UPF2: variants seen among roughly 807,000 people sequenced by gnomAD.
UPF2 encodes the protein regulator of nonsense transcripts 2.
A neutral mutation model predicts 141.4 loss-of-function variants in UPF2; 17 were observed. The ratio of observed to expected loss-of-function variants is 0.12; its 90% CI spans 0.08 to 0.18. The LOEUF (loss-of-function observed/expected upper bound fraction) is 0.18, where lower values mean the gene tolerates loss of function less well. Among genes scored for constraint, UPF2 ranks in the 10% least tolerant of loss-of-function variants. UPF2 has a pLI of 1.00. For missense variants in UPF2, 1,152 were observed against 1,515.9 expected, an observed-to-expected ratio of 0.76 and a Z score of 3.99; for synonymous variants, 540 against 498.0, an observed-to-expected ratio of 1.08 and a Z score of -1.12.
At chr10:11,929,235 A>T (rs1304699887) in intron 21 of UPF2, among the ~76,000 whole-genome samples, 1 of 152,248 alleles carries the variant, frequency 6.6e-6, no homozygotes, top group African/African-American at 2.4e-5. Flanking sequence ...GTAAACATCG[A>T]TATTAATTAA....
chr10:11,944,972 C>T (rs764730219), intron 16 of UPF2, among the ~76,000 whole-genome samples: 13 of 152,210 alleles, frequency 8.5e-5, no homozygotes, highest in Non-Finnish European at 1.6e-4. Flanking sequence ...CCTATCTGTG[C>T]CTTTGTTTCC....
chr10:12,028,604 T>C, intron 3 of UPF2, 141 bp downstream of exon 3: 1 of 827,044 alleles, frequency 1.2e-6, no homozygotes, highest in Non-Finnish European at 1.8e-6. Context: ...CTGTTCTACT[T>C]TGAAATTTTC....
At position 11,936,653 on chromosome 10, in the gene UPF2, G is replaced by C. The variant is rs1023915824; in HGVS notation, c.3438C>G (p.Leu1146=). 6.2e-7 allele frequency: 1 copy of C among 1,613,114 alleles called. No individual in the cohort carries two copies. Among genetic ancestry groups the C allele is most frequent in the Non-Finnish European group, 8.5e-7 (1 of 1,179,652 alleles). ...GGGGCCCTTTCCTCAGCTGGCTTTT[G>C]AGATGCAAAGGAATGGCAACATCTA... ...HQLDVAIPLH[L]KSQLRKGPPL... Residue 1146 remains leucine (L), a synonymous_variant, in exon 19 of 22, where the codon CTC becomes CTG. Coordinates refer to ENST00000357604, the MANE Select transcript of UPF2 (RefSeq NM_015542.4). This position sits in a 1 kb window ranked among gnomAD's most constrained non-coding sequence, Gnocchi z 6.6.
chr10:11,987,642 G>A (rs1234665869), intron 8 of UPF2, among the ~76,000 whole-genome samples: 1 of 151,384 alleles, frequency 6.6e-6, no homozygotes, highest in East Asian at 1.9e-4. Flanking sequence ...CATGCCTGTA[G>A]TCCCAGCTAC....
At chr10:12,012,020 C>G (rs1462523822) in intron 4 of UPF2, among the ~76,000 whole-genome samples, 1 of 150,674 alleles carries the variant, frequency 6.6e-6, no homozygotes, top group Admixed American at 6.6e-5. Context: ...TTCAGTATGA[C>G]AATTAGAGAA....
chr10:12,012,331 G>C (rs1217893444), intron 4 of UPF2, among the ~76,000 whole-genome samples: 1 of 151,908 alleles, frequency 6.6e-6, no homozygotes, highest in African/African-American at 2.4e-5. Context: ...CAAAGTGCTG[G>C]GATTAGAGGC....
At chr10:11,925,171 A>C (rs972323603) in intron 21 of UPF2, among the ~76,000 whole-genome samples, 2 of 152,186 alleles carry the variant, frequency 1.3e-5, no homozygotes, top group Non-Finnish European at 2.9e-5. Flanking sequence ...TAAAGGGTAA[A>C]ATCTCATGTT....
At chr10:11,924,119 T>C (rs1374105610) in intron 21 of UPF2, among the ~76,000 whole-genome samples, 1 of 152,226 alleles carries the variant, frequency 6.6e-6, no homozygotes, top group Non-Finnish European at 1.5e-5. Flanking sequence ...CCCTACATAA[T>C]AGTTTTACTT....
At position 11,998,266 on chromosome 10, in the gene UPF2, T is replaced by G. The variant is rs1176599126; in HGVS notation, c.1759-509A>C. On this transcript the variant is annotated intron_variant, in intron 7 of 21. Transcript: ENST00000357604. The surrounding 1 kb of genome is among the most constrained non-coding windows in gnomAD (Gnocchi z 4.5). ...AGTGCAGGAAATGGCGCTCTCTCTC[T>G]CTCTCCAAGATGCCTTAACTGACAG... Among the ~76,000 whole-genome samples, 2 of 152,150 alleles carry G rather than the reference T, an allele frequency of 1.3e-5. No individual in the cohort carries two copies. The highest frequency in any genetic ancestry group is 3.9e-4 in the East Asian group (2 of 5,194).
chr10:12,002,181 G>A (rs1833963880), intron 5 of UPF2, among the ~76,000 whole-genome samples: 1 of 152,196 alleles, frequency 6.6e-6, no homozygotes, highest in Non-Finnish European at 1.5e-5. Flanking sequence ...TGAGGCAGGA[G>A]AATTGCTTGA....
At chr10:11,957,198 G>GCAC (rs1833166049) in intron 12 of UPF2, among the ~76,000 whole-genome samples, 1 of 152,010 alleles carries the variant, frequency 6.6e-6, no homozygotes, top group South Asian at 2.1e-4. Flanking sequence ...TGAGGCCAAG[G>GCAC]TGGGTGGATA....
intron 7 of UPF2, 44 bp from the exon 8 acceptor site, chr10:11,997,801 G>A (rs756043103): frequency 1.9e-6 from 3 of 1,545,406 alleles, no homozygotes; most frequent in Non-Finnish European, 2.7e-6. Flanking sequence ...CCTCTAATTA[G>A]TTACGGAGAG....
intron 21 of UPF2, among the ~76,000 whole-genome samples, chr10:11,927,528 A>G (rs1832728176): frequency 6.6e-6 from 1 of 152,246 alleles, no homozygotes; most frequent in African/African-American, 2.4e-5. Context: ...AGCTACTCTA[A>G]GAAAATGCAA....
intron 8 of UPF2, 82 bp downstream of exon 8, chr10:11,997,590 T>A: frequency 8.1e-7 from 1 of 1,233,428 alleles, no homozygotes; most frequent in Non-Finnish European, 1.2e-6. Context: ...AAAGCAATAT[T>A]TTTCAAGAGG....
Position 12,004,745 on chromosome 10 carries a change from A to G in UPF2, c.1307-18T>C, listed in dbSNP as rs1408885202. On this transcript the variant is annotated intron_variant, in intron 4 of 21. Coordinates refer to ENST00000357604, the MANE Select transcript of UPF2 (RefSeq NM_015542.4). The stretch of plus-strand genomic sequence containing the variant: ...CCCATGTTCTACAATAAAATAAATC[A>G]CAAGTAATTAACATAACTTGAGGTT... 1 of 1,603,168 alleles carries G rather than the reference A, an allele frequency of 6.2e-7. No homozygotes were observed. The highest frequency in any genetic ancestry group is 8.5e-7 in the Non-Finnish European group (1 of 1,174,996).
chr10:12,004,665 C>A lies in UPF2; in HGVS notation c.1369G>T (p.Gly457Cys). The A allele has an allele frequency of 6.2e-7, 1 of 1,613,814 alleles. No homozygotes were observed. Reference sequence around the variant, plus strand: ...CGAGCATCTTCATCTTCCCATATACCACCTTCCAAGTCATATTCTCCAGGT... The same window carrying A: ...CGAGCATCTTCATCTTCCCATATACAACCTTCCAAGTCATATTCTCCAGGT... ...GKPGEYDLEG[G>C]IWEDEDARNF... Residue 457 changes from glycine (G) to cysteine (C), a missense_variant, in exon 5 of 22, where the codon GGT becomes TGT. Transcript: ENST00000357604.
chr10:11,978,017 G>C (rs1043574431), intron 9 of UPF2, among the ~76,000 whole-genome samples: 10 of 152,142 alleles, frequency 6.6e-5, no homozygotes, highest in Non-Finnish European at 1.2e-4. Flanking sequence ...CTCTGCAAGA[G>C]ACTCTCTCCT....
At chr10:12,008,623 C>G (rs1326069483) in intron 4 of UPF2, among the ~76,000 whole-genome samples, 1 of 96,180 alleles carries the variant, frequency 1.0e-5, no homozygotes, top group South Asian at 3.4e-4. Context: ...GAGCAAGACA[C>G]CACCTCAAAA....
chr10:11,956,648 T>C lies in UPF2; in HGVS notation c.2371-125A>G. On this transcript the variant is annotated intron_variant, in intron 12 of 21. Coordinates refer to ENST00000357604, the MANE Select transcript of UPF2 (RefSeq NM_015542.4). This position sits in a 1 kb window ranked among gnomAD's most constrained non-coding sequence, Gnocchi z 4.2. ...AATAGAAAATACATTAGAAATCCTC[T>C]ATCGGCCTCTTCAGAAATAGAAAAA... 1.3e-6 allele frequency: 1 copy of C among 778,344 alleles called. No homozygotes were observed. Among genetic ancestry groups the C allele is most frequent in the South Asian group, 1.6e-5 (1 of 62,078 alleles). The allele number at this position is 778,344 out of a possible 1,614,324, so 48.2% of individuals were successfully genotyped here. A position where few individuals can be genotyped will look rare whatever the true frequency, so the allele number is the denominator to read the frequency against.
Sources: allele counts gnomAD v4.1 joint callset (sites outside exome capture counted in the v4.1 genomes callset), GRCh38; gene constraint gnomAD v4.1.1; non-coding constraint Gnocchi (gnomAD v3.1); transcripts MANE v1.5; gene names NCBI Gene and HGNC (gene_info 2026-07-23, HGNC 2026-07-21).